NTM: variants seen among roughly 807,000 people sequenced by gnomAD.
The protein encoded by NTM is neurotrimin.
Under a neutral mutation model 42.1 loss-of-function variants are expected in NTM, and 13 were observed. The observed-to-expected ratio is 0.31, with a 90% CI of 0.20 to 0.49. The LOEUF (loss-of-function observed/expected upper bound fraction) is 0.49, where lower values mean the gene tolerates loss of function less well. Ranked by LOEUF, NTM falls within the 20% of genes least tolerant of loss-of-function variation. The pLI is 0.99. For synonymous variants in NTM, 187 were observed against 179.2 expected (o/e 1.04, Z -0.35); for missense variants, 373 against 452.8 (o/e 0.82, Z 1.60).
intron 1 of NTM, among the ~76,000 whole-genome samples, chr11:131,768,726 G>A (rs139256800): frequency 9.5e-4 from 144 of 152,298 alleles, no homozygotes; most frequent in African/African-American, 3.4e-3. Context: ...TAGGTGTCAC[G>A]TAAAATGCTT....
chr11:132,010,424 C>T (rs2135412889), intron 2 of NTM, among the ~76,000 whole-genome samples: 1 of 152,278 alleles, frequency 6.6e-6, no homozygotes, highest in African/African-American at 2.4e-5. Context: ...TTCCCAGAGA[C>T]CCTCTGCCTC....
intron 1 of NTM, among the ~76,000 whole-genome samples, chr11:131,597,491 G>A (rs530998552): frequency 1.8e-4 from 28 of 152,250 alleles, no homozygotes; most frequent in Middle Eastern, 3.4e-3. Flanking sequence ...TTCAGATTCC[G>A]CATTCTGGGC....
At chr11:132,258,002 C>G (rs1000951719) in intron 4 of NTM, among the ~76,000 whole-genome samples, 4 of 152,188 alleles carry the variant, frequency 2.6e-5, no homozygotes, top group Non-Finnish European at 5.9e-5. Flanking sequence ...CACATTTGTA[C>G]TTTGTGACAG....
chr11:131,799,213 A>T (rs1043819357), intron 1 of NTM, among the ~76,000 whole-genome samples: 8 of 151,814 alleles, frequency 5.3e-5, no homozygotes, highest in African/African-American at 1.9e-4. Context: ...ACCCTACCCC[A>T]CTCTAATTAG....
At chr11:131,803,923 A>G (rs999220499) in intron 1 of NTM, among the ~76,000 whole-genome samples, 5 of 151,764 alleles carry the variant, frequency 3.3e-5, no homozygotes, top group Admixed American at 2.6e-4. Flanking sequence ...TCCAATTATC[A>G]CCTCTGTGGG....
intron 3 of NTM, among the ~76,000 whole-genome samples, chr11:132,200,535 A>G (rs1045458983): frequency 4.6e-5 from 7 of 152,254 alleles, no homozygotes; most frequent in African/African-American, 1.7e-4. Flanking sequence ...TGCAGTCAGC[A>G]TAATTCCCTG....
At chr11:131,618,324 C>G (rs888587718) in intron 1 of NTM, among the ~76,000 whole-genome samples, 3 of 152,156 alleles carry the variant, frequency 2.0e-5, no homozygotes, top group Non-Finnish European at 2.9e-5. Context: ...TTCGTAAACT[C>G]CCTGATGCAC....
chr11:131,596,215 C>G (rs911217666), intron 1 of NTM, among the ~76,000 whole-genome samples: 1 of 152,170 alleles, frequency 6.6e-6, no homozygotes, highest in African/African-American at 2.4e-5. Context: ...ATCTGGATGC[C>G]TTCTAGTATC....
chr11:132,307,847 C>T (rs935580372), intron 5 of NTM, 24 bp downstream of exon 5: 3 of 1,610,720 alleles, frequency 1.9e-6, no homozygotes, highest in Non-Finnish European at 2.5e-6. Context: ...CCACCACGCG[C>T]CCTGCACGTG....
chr11:131,902,277 A>C (rs1190378225), intron 1 of NTM, among the ~76,000 whole-genome samples: 1 of 152,266 alleles, frequency 6.6e-6, no homozygotes, highest in East Asian at 1.9e-4. Context: ...CTTCTAGGGC[A>C]GTACAAATTC....
intron 1 of NTM, among the ~76,000 whole-genome samples, chr11:131,396,621 G>A (rs1211733834): frequency 6.6e-6 from 1 of 152,124 alleles, no homozygotes; most frequent in East Asian, 1.9e-4. Flanking sequence ...ATTACTTGAG[G>A]TCAGGAGTTC....
intron 1 of NTM, among the ~76,000 whole-genome samples, chr11:131,695,383 T>G (rs1316154886): frequency 1.3e-5 from 2 of 152,156 alleles, no homozygotes; most frequent in African/African-American, 4.8e-5. Flanking sequence ...AACGAATGAC[T>G]TTACGCAAAC....
chr11:131,882,029 A>G (rs1051347829), intron 1 of NTM, among the ~76,000 whole-genome samples: 2 of 152,184 alleles, frequency 1.3e-5, no homozygotes, highest in African/African-American at 4.8e-5. Flanking sequence ...ATCCAGGAAG[A>G]GCTTCACAGA....
intron 3 of NTM, among the ~76,000 whole-genome samples, chr11:132,186,733 TA>T (rs2078459486): frequency 6.6e-6 from 1 of 152,184 alleles, no homozygotes; most frequent in Non-Finnish European, 1.5e-5. Flanking sequence ...AAGGCAGTTA[TA>T]ATAATTTCAG....
chr11:132,170,842 T>C (rs1228125787), intron 3 of NTM, among the ~76,000 whole-genome samples: 2 of 152,166 alleles, frequency 1.3e-5, no homozygotes, highest in Non-Finnish European at 2.9e-5. Flanking sequence ...GTGGCAAGTG[T>C]TGGGAATAGG....
intron 2 of NTM, among the ~76,000 whole-genome samples, chr11:132,135,784 C>T (rs1265963855): frequency 6.6e-6 from 1 of 152,192 alleles, no homozygotes; most frequent in African/African-American, 2.4e-5. Flanking sequence ...TGAAGGCTGA[C>T]TTCCTGCTTT....
intron 7 of NTM, among the ~76,000 whole-genome samples, chr11:132,322,095 C>T (rs144199973): frequency 0.036 from 5,546 of 152,122 alleles, 181 homozygotes; most frequent in Admixed American, 0.11. Flanking sequence ...TAAAGACCAT[C>T]GAGACTAGGA....
intron 1 of NTM, among the ~76,000 whole-genome samples, chr11:131,838,973 T>G (rs2136647815): frequency 6.6e-6 from 1 of 151,856 alleles, no homozygotes; most frequent in East Asian, 1.9e-4. Context: ...TTTTTTTTTT[T>G]TTTTTTAGAT....
chr11:132,084,586 G>T (rs1242326369), intron 2 of NTM, among the ~76,000 whole-genome samples: 2 of 152,034 alleles, frequency 1.3e-5, no homozygotes, highest in Non-Finnish European at 2.9e-5. Context: ...TATGGTAGAG[G>T]TTTAAAACAC....
Sources: gnomAD v4.1 joint callset for allele counts (sites outside exome capture counted in the v4.1 genomes callset) on GRCh38, gnomAD v4.1.1 for gene constraint, MANE v1.5 for transcripts, NCBI Gene and HGNC (gene_info 2026-07-23, HGNC 2026-07-21) for gene names.